SAMD8: variants seen among roughly 807,000 people sequenced by gnomAD.
SAMD8 encodes sterile alpha motif domain containing 8, also known as sphingomyelin synthase-related protein 1.
In SAMD8, 20 loss-of-function variants were observed where a neutral mutation model predicts 42.0. The ratio of observed to expected loss-of-function variants is 0.48; its 90% CI spans 0.34 to 0.69. The LOEUF (loss-of-function observed/expected upper bound fraction) is 0.69, where lower values mean the gene tolerates loss of function less well. SAMD8 is among the 30% of genes least tolerant of loss of function. The pLI is 0.01. For missense variants in SAMD8, 328 were observed against 511.6 expected (o/e 0.64, Z 3.46); for synonymous variants, 162 against 173.0 (o/e 0.94, Z 0.50).
At chr10:75,110,554 T>C (rs567959854), upstream of SAMD8, among the ~76,000 whole-genome samples, 6 of 152,284 alleles carry the variant, frequency 3.9e-5, no homozygotes, top group Admixed American at 6.5e-5. Flanking sequence ...TTCAGAACCA[T>C]TGAAGTCGGC....
chr10:75,103,705 A>G (rs1471227738), intron 1 of SAMD8, among the ~76,000 whole-genome samples: 3 of 152,172 alleles, frequency 2.0e-5, no homozygotes, highest in Non-Finnish European at 2.9e-5. Context: ...AGCTCCAGGG[A>G]GCTAAGGCTC....
chr10:75,131,110 C>A (rs745858991), intron 1 of SAMD8, among the ~76,000 whole-genome samples: 1 of 152,184 alleles, frequency 6.6e-6, no homozygotes, highest in East Asian at 1.9e-4. Flanking sequence ...GAAATGAGAT[C>A]CCACATGAAA....
chr10:75,163,747 CTCTT>C (rs1397647569), intron 2 of SAMD8, among the ~76,000 whole-genome samples: 7 of 152,258 alleles, frequency 4.6e-5, no homozygotes, highest in African/African-American at 1.4e-4. Context: ...CATGCCCAGC[CTCTT>C]TCTTTCTTTT....
chr10:75,136,391 C>A (rs945744572), intron 1 of SAMD8, among the ~76,000 whole-genome samples: 3 of 152,072 alleles, frequency 2.0e-5, no homozygotes, highest in African/African-American at 7.2e-5. Context: ...AAAAACATAT[C>A]CTGCTTAGTT....
chr10:75,149,409 GAC>G (rs1324189225), intron 1 of SAMD8, among the ~76,000 whole-genome samples: 1 of 152,146 alleles, frequency 6.6e-6, no homozygotes, highest in African/African-American at 2.4e-5. Flanking sequence ...ACATGGAAAT[GAC>G]AGTTTTCTTT....
intron 1 of SAMD8, 186 bp downstream of exon 1, chr10:75,111,908 G>C (rs1848778433): frequency 1.5e-5 from 10 of 683,892 alleles, no homozygotes; most frequent in Admixed American, 8.7e-5. Flanking sequence ...GGAGGTTGTC[G>C]AACTGAGGGC....
intron 1 of SAMD8, among the ~76,000 whole-genome samples, chr10:75,133,933 G>A (rs1849328720): frequency 6.6e-6 from 1 of 152,162 alleles, no homozygotes; most frequent in South Asian, 2.1e-4. Context: ...GTATTCCGTG[G>A]TGTATATGTA....
In SAMD8 at chr10:75,163,627, G is replaced by T. The variant is rs536685748; in HGVS notation, c.579-1018G>T. Among the ~76,000 whole-genome samples, 10 of 152,014 alleles carry T rather than the reference G, an allele frequency of 6.6e-5. No individual in the cohort carries two copies. The South Asian group carries it at 2.1e-3, about 32-fold the overall frequency. On this transcript the variant is annotated intron_variant, in intron 2 of 5. Transcript: ENST00000542569. The stretch of plus-strand genomic sequence containing the variant: ...TTTTTGTATTTTTTGTAGAGACCTG[G>T]GAGTTGGGGTTGTTCACCATGTTGC...
intron 1 of SAMD8, among the ~76,000 whole-genome samples, chr10:75,141,203 G>C (rs2134461442): frequency 6.6e-6 from 1 of 152,098 alleles, no homozygotes; most frequent in South Asian, 2.1e-4. Context: ...AATTAGCCAA[G>C]TGTGCCAAGT....
intron 4 of SAMD8, among the ~76,000 whole-genome samples, chr10:75,175,002 C>A (rs1287251397): frequency 1.3e-5 from 2 of 152,212 alleles, no homozygotes; most frequent in South Asian, 2.1e-4. Context: ...TTCTGTCTTT[C>A]TGGTCTGCTA....
In SAMD8 at chr10:75,154,502, G is replaced by A. The variant is rs556361908; in HGVS notation, c.578+3396G>A. 3.3e-5 allele frequency among the ~76,000 whole-genome samples: 5 copies of A among 152,322 alleles called. No individual in the cohort carries two copies. In the South Asian group the frequency reaches 1.0e-3, roughly 32 times the overall value. The stretch of plus-strand genomic sequence containing the variant: ...TTAAGGAACAACCAGTGAGAGATGA[G>A]CAGATCTGAGAGGAGACAAGAAGCC... On this transcript the variant is annotated intron_variant, in intron 2 of 5. Transcript: ENST00000542569.
chr10:75,140,006 T>C (rs952827349), intron 1 of SAMD8, among the ~76,000 whole-genome samples: 3 of 152,248 alleles, frequency 2.0e-5, no homozygotes, highest in Non-Finnish European at 4.4e-5. Context: ...TTTTTACATA[T>C]GGGTATCCAT....
At chr10:75,103,634 A>G (rs1261518766) in intron 1 of SAMD8, among the ~76,000 whole-genome samples, 7 of 152,156 alleles carry the variant, frequency 4.6e-5, no homozygotes, top group Non-Finnish European at 8.8e-5. Flanking sequence ...GCACTCCCAG[A>G]TGGTGGGAAC....
chr10:75,122,222 G>C (rs1048860029), intron 1 of SAMD8, among the ~76,000 whole-genome samples: 2 of 152,054 alleles, frequency 1.3e-5, no homozygotes, highest in Admixed American at 1.3e-4. Flanking sequence ...AATATTACTA[G>C]TTTGATATTT....
intron 2 of SAMD8, among the ~76,000 whole-genome samples, chr10:75,162,057 A>T (rs1042279488): frequency 6.6e-6 from 1 of 152,120 alleles, no homozygotes; most frequent in Non-Finnish European, 1.5e-5. Context: ...AATAAATAAA[A>T]AATAAAATCC....
intron 1 of SAMD8, among the ~76,000 whole-genome samples, chr10:75,137,548 A>C (rs1313661019): frequency 6.6e-6 from 1 of 152,154 alleles, no homozygotes. Flanking sequence ...TCAAAAAAAA[A>C]AAAAAGAAAG....
upstream of SAMD8, chr10:75,109,009 G>GC: frequency 6.2e-7 from 1 of 1,600,436 alleles, no homozygotes; most frequent in South Asian, 1.1e-5. Context: ...TACCACTCAC[G>GC]CATCTCCTAT....
In SAMD8 at chr10:75,150,541, A is replaced by C; in HGVS notation, c.13A>C (p.Asn5His). 1 of 1,612,918 alleles carries C rather than the reference A, an allele frequency of 6.2e-7. No individual in the cohort carries two copies. The highest frequency in any genetic ancestry group is 1.1e-5 in the South Asian group (1 of 90,864). Reference sequence around the variant, plus strand: ...AGCGGAGGAGGAAATGGCAGGTCCTAATCAACTCTGCATTCGCCGCTGGAC... The same window carrying C: ...AGCGGAGGAGGAAATGGCAGGTCCTCATCAACTCTGCATTCGCCGCTGGAC... MAGPNQLCIRRWTTK... is the reference protein window; with the variant it reads MAGPHQLCIRRWTTK... The change falls in exon 2 of 6, where the codon AAT becomes CAT. Residue 5 changes from asparagine to histidine, a missense_variant. By Grantham distance (68) the Asn-to-His change is moderately conservative. This residue lies in a region of SAMD8 where 150 missense variants were observed against 186.0 expected (regional missense o/e 0.81). Coordinates refer to ENST00000542569, the MANE Select transcript of SAMD8 (RefSeq NM_001174156.2).
intron 1 of SAMD8, among the ~76,000 whole-genome samples, chr10:75,126,171 A>G (rs1335033976): frequency 6.6e-6 from 1 of 152,192 alleles, no homozygotes; most frequent in Non-Finnish European, 1.5e-5. Context: ...ACATAATTTT[A>G]CTACTCCTTT....
Sources: allele counts gnomAD v4.1 joint callset (sites outside exome capture counted in the v4.1 genomes callset), GRCh38; gene constraint gnomAD v4.1.1; regional missense constraint gnomAD v4.1.1; transcripts MANE v1.5; gene names NCBI Gene and HGNC (gene_info 2026-07-23, HGNC 2026-07-21).